EPM2A: variants seen among roughly 807,000 people sequenced by gnomAD.
EPM2A encodes the protein laforin.
Under a neutral mutation model 26.5 loss-of-function variants are expected in EPM2A, and 21 were observed. That is an observed-to-expected ratio of 0.79 (90% CI 0.56 to 1.14). EPM2A has a LOEUF of 1.14. Ranked by LOEUF, EPM2A falls within the 50% of genes most tolerant of loss-of-function variation. The pLI, the probability that EPM2A is intolerant of heterozygous loss-of-function variation, is 0.00. For synonymous variants in EPM2A, 217 were observed against 177.6 expected (o/e 1.22, Z -1.76); for missense variants, 458 against 440.8 (o/e 1.04, Z -0.35).
chr6:145,639,493 T>C (rs1776931463), intron 2 of EPM2A: 1 of 152,202 alleles, frequency 6.6e-6, no homozygotes, highest in South Asian at 2.1e-4. Flanking sequence ...CTAGATTGTG[T>C]AAGCAGCAGA....
chr6:145,595,592 TA>T (rs1439784530), intron 2 of EPM2A, among the ~76,000 whole-genome samples: 1 of 152,046 alleles, frequency 6.6e-6, no homozygotes, highest in Non-Finnish European at 1.5e-5. Flanking sequence ...ATCTATTTTA[TA>T]TTTTTTATTT....
At chr6:145,700,460 T>A (rs1781849082) in intron 1 of EPM2A, among the ~76,000 whole-genome samples, 1 of 152,106 alleles carries the variant, frequency 6.6e-6, no homozygotes, top group East Asian at 1.9e-4. Context: ...TAAAAATAGA[T>A]AAAGCATCTA....
chr6:145,527,812 C>T (rs1292494202), intron 2 of EPM2A, among the ~76,000 whole-genome samples: 2 of 151,926 alleles, frequency 1.3e-5, no homozygotes, highest in Non-Finnish European at 2.9e-5. Context: ...AATGATTACG[C>T]CTAGTAAGAA....
intron 4 of EPM2A, among the ~76,000 whole-genome samples, chr6:145,472,538 C>G (rs1268806622): frequency 6.6e-6 from 1 of 151,966 alleles, no homozygotes; most frequent in Non-Finnish European, 1.5e-5. Context: ...GACCACTGCC[C>G]TGAAGAGTGA....
chr6:145,442,715 C>T (rs1779080571), intron 4 of EPM2A, among the ~76,000 whole-genome samples: 1 of 151,734 alleles, frequency 6.6e-6, no homozygotes, highest in South Asian at 2.1e-4. Context: ...TGTCAAAGAT[C>T]AGATGGTAGT....
At chr6:145,524,695 A>G (rs1419668611) in intron 2 of EPM2A, among the ~76,000 whole-genome samples, 3 of 152,058 alleles carry the variant, frequency 2.0e-5, no homozygotes, top group Admixed American at 6.6e-5. Flanking sequence ...CAGTTTGTGA[A>G]TATTTTCTTT....
At position 145,606,120 on chromosome 6, in the gene EPM2A, GA is replaced by G. The variant is rs1775251545; in HGVS notation, c.340+29124del. ...CACCAAAGAGAAAAACAATGAAAACGAAATTTATAAACAAAACCAGAAAAGT... is the reference window on the plus strand; with the variant it reads ...CACCAAAGAGAAAAACAATGAAAACGAATTTATAAACAAAACCAGAAAAGT... On this transcript the variant is annotated intron_variant, in intron 2 of 3. Coordinates refer to the EPM2A transcript ENST00000450221. Among the ~76,000 whole-genome samples the G allele has an allele frequency of 3.9e-5, 6 of 151,912 alleles. No homozygotes were observed. The South Asian group carries it at 1.2e-3, about 31-fold the overall frequency.
At chr6:145,411,059 C>A (rs1467568445) in intron 4 of EPM2A, among the ~76,000 whole-genome samples, 1 of 152,164 alleles carries the variant, frequency 6.6e-6, no homozygotes, top group Non-Finnish European at 1.5e-5. Flanking sequence ...ATATGTGAAT[C>A]TTTCATCTAC....
chr6:145,574,477 C>A (rs1356023201), intron 2 of EPM2A, among the ~76,000 whole-genome samples: 1 of 152,170 alleles, frequency 6.6e-6, no homozygotes, highest in South Asian at 2.1e-4. Flanking sequence ...GACTGTGGTT[C>A]CCACTGTTAG....
intron 2 of EPM2A, among the ~76,000 whole-genome samples, chr6:145,681,477 T>A (rs1366126153): frequency 2.0e-5 from 3 of 149,860 alleles, no homozygotes; most frequent in East Asian, 1.9e-4. Context: ...CATGCCTATG[T>A]CCTGAATGGT....
chr6:145,513,914 C>G (rs1451186038), intron 2 of EPM2A, among the ~76,000 whole-genome samples: 1 of 152,140 alleles, frequency 6.6e-6, no homozygotes, highest in Non-Finnish European at 1.5e-5. Flanking sequence ...ATTTCTGTCT[C>G]CTGCTACTTG....
At chr6:145,514,854 C>T (rs1385401699) in intron 2 of EPM2A, among the ~76,000 whole-genome samples, 1 of 152,216 alleles carries the variant, frequency 6.6e-6, no homozygotes, top group East Asian at 1.9e-4. Context: ...GAAGGCTCCA[C>T]TGACAAAAAC....
At chr6:145,499,564 G>A (rs946290032), downstream of EPM2A, among the ~76,000 whole-genome samples, 9 of 152,158 alleles carry the variant, frequency 5.9e-5, no homozygotes, top group South Asian at 2.1e-4. Flanking sequence ...ATTTCTATTC[G>A]TTGCTCTGTA....
chr6:145,491,127 A>G, intron 4 of EPM2A: 1 of 581,150 alleles, frequency 1.7e-6, no homozygotes, highest in East Asian at 4.5e-5. Context: ...TTCTTGTGGT[A>G]TTTTCCTCTA....
intron 4 of EPM2A, among the ~76,000 whole-genome samples, chr6:145,445,928 T>C (rs1358657867): frequency 1.3e-5 from 2 of 152,202 alleles, no homozygotes; most frequent in African/African-American, 4.8e-5. Flanking sequence ...GTTATGTTAT[T>C]GGTGGTCTTA....
rs190361809 is a variant in EPM2A, at chr6:145,694,281, T to A, written c.302-7985A>T. On this transcript the variant is annotated intron_variant, in intron 1 of 3. Coordinates refer to ENST00000367519, the MANE Select transcript of EPM2A (RefSeq NM_005670.4). The stretch of plus-strand genomic sequence containing the variant: ...TCTGATCTCTCTCATGCCCCATCTG[T>A]TACTACCTCGGAAGCTATTATTGCA... Among the ~76,000 whole-genome samples the A allele has an allele frequency of 1.8e-3, 273 of 152,146 alleles. 1 individual carries two copies. Among genetic ancestry groups the A allele is most frequent in the African/African-American group, 6.3e-3 (260 of 41,554 alleles).
rs753867771 is a variant in EPM2A, at chr6:145,686,260, T to C, written c.338A>G (p.Asn113Ser). ...CACACCATCCACCAAGTTGTTTTCA[T>C]TGTAAGTACAGCAACGGTCATGATG... is the stretch of plus-strand genomic sequence containing the variant. ...GPHHDRCCTY[N>S]ENNLVDGVYC... Residue 113 changes from asparagine (N) to serine (S), a missense_variant, in exon 2 of 4, where the codon AAT becomes AGT. By Grantham distance (46) the Asn-to-Ser change is conservative. Coordinates refer to ENST00000367519, the MANE Select transcript of EPM2A (RefSeq NM_005670.4). The C allele has an allele frequency of 3.3e-5, 54 of 1,613,994 alleles. No homozygotes were observed. In the South Asian group the frequency reaches 4.9e-4, roughly 15 times the overall value.
intron 4 of EPM2A, among the ~76,000 whole-genome samples, chr6:145,431,205 T>C (rs1045632002): frequency 1.3e-5 from 2 of 152,118 alleles, no homozygotes; most frequent in Non-Finnish European, 2.9e-5. Flanking sequence ...GGGTCAAGGG[T>C]CAAAGATTTT....
intron 2 of EPM2A, chr6:145,670,467 G>A (rs1476555809): frequency 6.6e-6 from 1 of 152,084 alleles, no homozygotes; most frequent in Non-Finnish European, 1.5e-5. Context: ...CAACAATGCT[G>A]CTGATAATAC....
Sources: allele counts gnomAD v4.1 joint callset (sites outside exome capture counted in the v4.1 genomes callset), GRCh38; gene constraint gnomAD v4.1.1; transcripts MANE v1.5; gene names NCBI Gene and HGNC (gene_info 2026-07-23, HGNC 2026-07-21).